The following ITGB5 variants were observed in gnomAD, a reference collection of about 807,000 sequenced individuals.
ITGB5 encodes the protein integrin beta-5.
In ITGB5, 38 loss-of-function variants were observed where a neutral mutation model predicts 84.8. The observed-to-expected ratio is 0.45, with a 90% CI of 0.35 to 0.59. The LOEUF (loss-of-function observed/expected upper bound fraction) is 0.59, where lower values mean the gene tolerates loss of function less well. Among genes scored for constraint, ITGB5 ranks in the 20% least tolerant of loss-of-function variants. The pLI is 0.01. For synonymous variants in ITGB5, 393 were observed against 414.4 expected, an observed-to-expected ratio of 0.95 and a Z score of 0.63; for missense variants, 905 against 1,034.5, an observed-to-expected ratio of 0.87 and a Z score of 1.72.
chr3:124,842,773 T>C (rs150770359), intron 4 of ITGB5, among the ~76,000 whole-genome samples: 1 of 152,330 alleles, frequency 6.6e-6, no homozygotes, highest in Non-Finnish European at 1.5e-5. Flanking sequence ...AGGAGGACCC[T>C]GCCTTAAATG....
upstream of ITGB5, among the ~76,000 whole-genome samples, chr3:124,889,652 C>G (rs1934952314): frequency 6.6e-6 from 1 of 152,180 alleles, no homozygotes; most frequent in South Asian, 2.1e-4. Context: ...CTGGGTTTAT[C>G]TTGGAGCTAC....
At chr3:124,884,687 T>C (rs1188769092) in intron 1 of ITGB5, among the ~76,000 whole-genome samples, 1 of 151,550 alleles carries the variant, frequency 6.6e-6, no homozygotes, top group African/African-American at 2.4e-5. Context: ...TGAGACTCTG[T>C]CTCAAAAAAA....
intron 1 of ITGB5, chr3:124,894,374 C>T (rs1440418938): frequency 6.6e-6 from 1 of 152,104 alleles, no homozygotes; most frequent in African/African-American, 2.4e-5. Context: ...ACCTTGCGAT[C>T]CGTCCGTTGC....
At chr3:124,864,011 GAGAAAGAAAGAAGAA>G (rs773183826) in intron 2 of ITGB5, among the ~76,000 whole-genome samples, 24 of 101,900 alleles carry the variant, frequency 2.4e-4, no homozygotes, top group Non-Finnish European at 4.1e-4. Flanking sequence ...AGAGAGAGAG[GAGAAAGAAAGAAGAA>G]AGAAAGAAAG....
intron 5 of ITGB5, among the ~76,000 whole-genome samples, chr3:124,837,199 C>T (rs1211682041): frequency 6.6e-6 from 1 of 152,212 alleles, no homozygotes; most frequent in Admixed American, 6.5e-5. Context: ...CTCTGTCCTC[C>T]CTAGGCCAAG....
At position 124,764,404 on chromosome 3, in the gene ITGB5, G is replaced by A; in HGVS notation, c.2291C>T (p.Ala764Val). 1.9e-6 allele frequency: 3 copies of A among 1,611,234 alleles called. No individual in the cohort carries two copies. The highest frequency in any genetic ancestry group is 2.5e-6 in the Non-Finnish European group (3 of 1,177,604). Residue 764 changes from alanine to valine, a missense_variant, in exon 14 of 15, where the codon GCC (alanine) becomes GTC (valine). This residue lies in a region of ITGB5 where 133 missense variants were observed against 122.8 expected (regional missense o/e 1.08). Coordinates refer to ENST00000296181, the MANE Select transcript of ITGB5 (RefSeq NM_002213.5). The part of the protein sequence containing the change: ...FAKFQSERSR[A>V]RYEMASNPLY... ...CCACGTGCTTACCATTTCATAGCGG[G>A]CCCTGGATCGCTCGCTCTGAAACTT...
At chr3:124,849,858 C>A (rs2065128369) in intron 3 of ITGB5, among the ~76,000 whole-genome samples, 1 of 128,382 alleles carries the variant, frequency 7.8e-6, no homozygotes, top group Non-Finnish European at 1.8e-5. Context: ...CACTTAGAAC[C>A]AACTTTAAGG....
At chr3:124,847,351 A>C (rs1248483976) in intron 4 of ITGB5, among the ~76,000 whole-genome samples, 2 of 152,242 alleles carry the variant, frequency 1.3e-5, no homozygotes, top group Non-Finnish European at 1.5e-5. Context: ...AACCTAGTAG[A>C]GGTTGTGTTG....
intron 10 of ITGB5, among the ~76,000 whole-genome samples, chr3:124,787,909 C>CTTT (rs35730935): frequency 0.06 from 8,289 of 137,638 alleles, 563 homozygotes; most frequent in African/African-American, 0.15. Context: ...ACAGATAGCT[C>CTTT]TTTTTTTTTT....
intron 12 of ITGB5, 57 bp downstream of exon 12, chr3:124,768,956 C>A (rs1026706600): frequency 4.3e-6 from 6 of 1,386,102 alleles, no homozygotes; most frequent in Non-Finnish European, 5.1e-6. Context: ...CTAAAACTAC[C>A]CTCCTCCCCA....
chr3:124,897,812 T>C (rs1935135637), intron 1 of ITGB5, among the ~76,000 whole-genome samples: 2 of 152,112 alleles, frequency 1.3e-5, no homozygotes, highest in Non-Finnish European at 2.9e-5. Context: ...TTTTGTAAGG[T>C]GAAGGAAGGG....
chr3:124,884,931 C>G (rs1473223228), intron 1 of ITGB5, among the ~76,000 whole-genome samples: 2 of 152,016 alleles, frequency 1.3e-5, no homozygotes, highest in Admixed American at 6.6e-5. Context: ...TACGTGAACT[C>G]TGAAAAAGAG....
intron 10 of ITGB5, among the ~76,000 whole-genome samples, chr3:124,777,331 G>A (rs956764727): frequency 9.8e-5 from 15 of 152,342 alleles, no homozygotes; most frequent in African/African-American, 1.4e-4. Flanking sequence ...TGGGAGCCAC[G>A]GAGGGGCTGT....
chr3:124,773,597 G>T, intron 11 of ITGB5, 93 bp downstream of exon 11: 2 of 1,103,096 alleles, frequency 1.8e-6, no homozygotes, highest in South Asian at 1.4e-5. Context: ...AGGAGGTGAG[G>T]AGTGGAGGCT....
chr3:124,821,344 T>C lies in ITGB5; in HGVS notation c.911A>G (p.Glu304Gly), dbSNP rs764286659. Residue 304 changes from glutamate to glycine, a missense_variant, in exon 6 of 15, where the codon GAG becomes GGG. Transcript: ENST00000296181. ...GTTGGATGCAGTGTACTCGTTGGCC[T>C]CGTTCAGGTGGCACTGGCCATCGTG... is the stretch of plus-strand genomic sequence containing the variant. ...QPHDGQCHLN[E>G]ANEYTASNQM... is the part of the protein sequence containing the mutation. 6.2e-7 allele frequency: 1 copy of C among 1,614,126 alleles called. No homozygotes were observed. The highest frequency in any genetic ancestry group is 8.5e-7 in the Non-Finnish European group (1 of 1,179,978).
intron 5 of ITGB5, 62 bp downstream of exon 5, chr3:124,841,321 A>T: frequency 6.6e-7 from 1 of 1,518,700 alleles, no homozygotes; most frequent in Non-Finnish European, 9.0e-7. Flanking sequence ...AAGTACCAAC[A>T]CCCACTGACG....
intron 3 of ITGB5, among the ~76,000 whole-genome samples, chr3:124,858,133 C>T (rs1273910789): frequency 1.4e-4 from 12 of 83,836 alleles, no homozygotes; most frequent in Non-Finnish European, 2.4e-4. Flanking sequence ...TACCCCATCT[C>T]AAAAAAAAAA....
intron 1 of ITGB5, among the ~76,000 whole-genome samples, chr3:124,876,259 C>A (rs1435699986): frequency 6.6e-6 from 1 of 151,700 alleles, no homozygotes; most frequent in Non-Finnish European, 1.5e-5. Context: ...ATATCATATA[C>A]TGTAAATATA....
At chr3:124,824,386 C>CA (rs1273773725) in intron 5 of ITGB5, among the ~76,000 whole-genome samples, 3 of 152,170 alleles carry the variant, frequency 2.0e-5, no homozygotes, top group African/African-American at 7.2e-5. Flanking sequence ...AAAATTAACT[C>CA]AAAGTGGATC....
Sources: gnomAD v4.1 joint callset for allele counts (sites outside exome capture counted in the v4.1 genomes callset) on GRCh38, gnomAD v4.1.1 for gene constraint, gnomAD v4.1.1 regional missense constraint, MANE v1.5 for transcripts, NCBI Gene and HGNC (gene_info 2026-07-23, HGNC 2026-07-21) for gene names.